PTPRJ: variants seen among roughly 807,000 people sequenced by gnomAD.
PTPRJ encodes the protein receptor-type tyrosine-protein phosphatase eta.
A neutral mutation model predicts 141.3 loss-of-function variants in PTPRJ; 129 were observed. That is an observed-to-expected ratio of 0.91 (90% confidence interval 0.79 to 1.06). The LOEUF is 1.06. PTPRJ is among the 50% of genes least tolerant of loss of function. The pLI is 0.00. For missense variants in PTPRJ, 1,601 were observed against 1,679.7 expected, an observed-to-expected ratio of 0.95 and a Z score of 0.82; for synonymous variants, 610 against 640.5, an observed-to-expected ratio of 0.95 and a Z score of 0.72.
chr11:48,036,641 C>T (rs928941516), intron 1 of PTPRJ, among the ~76,000 whole-genome samples: 4 of 152,042 alleles, frequency 2.6e-5, no homozygotes, highest in Non-Finnish European at 5.9e-5. Context: ...TGTTGTAAGT[C>T]ATGTATATTG....
intron 1 of PTPRJ, among the ~76,000 whole-genome samples, chr11:48,070,500 CAA>C (rs35904394): frequency 3.1e-4 from 23 of 73,212 alleles, no homozygotes; most frequent in Non-Finnish European, 3.4e-4. Flanking sequence ...ACTCTGTCTC[CAA>C]AAAAAAAAAA....
chr11:48,039,289 T>C (rs1854210481), intron 1 of PTPRJ, among the ~76,000 whole-genome samples: 1 of 151,820 alleles, frequency 6.6e-6, no homozygotes, highest in Admixed American at 6.6e-5. Flanking sequence ...ACCCATGAGA[T>C]AGGGTTTTGT....
chr11:48,087,716 A>C, intron 1 of PTPRJ, among the ~76,000 whole-genome samples: 1 of 152,196 alleles, frequency 6.6e-6, no homozygotes, highest in East Asian at 1.9e-4. Context: ...CTGTGTTCAG[A>C]TTCTACCTCT....
At chr11:48,018,710 G>A (rs1180338534) in intron 1 of PTPRJ, among the ~76,000 whole-genome samples, 2 of 152,182 alleles carry the variant, frequency 1.3e-5, no homozygotes, top group Non-Finnish European at 2.9e-5. Context: ...CCTTCCCTCC[G>A]AACTGGGGGT....
intron 1 of PTPRJ, among the ~76,000 whole-genome samples, chr11:48,023,935 C>A (rs1182674487): frequency 6.6e-6 from 1 of 151,972 alleles, no homozygotes; most frequent in Non-Finnish European, 1.5e-5. Flanking sequence ...TAGGCTACCT[C>A]ACCATCCAAA....
chr11:47,994,982 C>T (rs1423912432), intron 1 of PTPRJ, among the ~76,000 whole-genome samples: 1 of 152,164 alleles, frequency 6.6e-6, no homozygotes, highest in Non-Finnish European at 1.5e-5. Flanking sequence ...CTGTGAAGGA[C>T]TGACAATATA....
chr11:48,041,727 C>T (rs1194521270), intron 1 of PTPRJ, among the ~76,000 whole-genome samples: 4 of 152,006 alleles, frequency 2.6e-5, no homozygotes, highest in East Asian at 1.9e-4. Flanking sequence ...TGGGTTCTAG[C>T]GATCCTCCCA....
At chr11:48,055,786 G>C (rs996011036) in intron 1 of PTPRJ, among the ~76,000 whole-genome samples, 1 of 152,202 alleles carries the variant, frequency 6.6e-6, no homozygotes, top group African/African-American at 2.4e-5. Flanking sequence ...CTGACCTCAG[G>C]ATCCAGCAGG....
chr11:48,152,070 A>C (rs1299644257), intron 18 of PTPRJ, among the ~76,000 whole-genome samples: 1 of 152,230 alleles, frequency 6.6e-6, no homozygotes, highest in Admixed American at 6.5e-5. Flanking sequence ...ACAACAGTGT[A>C]AAAGTGTTGC....
intron 1 of PTPRJ, among the ~76,000 whole-genome samples, chr11:47,991,286 AC>A (rs1184278305): frequency 6.6e-6 from 1 of 152,062 alleles, no homozygotes; most frequent in African/African-American, 2.4e-5. Flanking sequence ...CTTAAAAAAA[AC>A]AAAACAAAAC....
At position 48,139,788 on chromosome 11, in the gene PTPRJ, G is replaced by A. The variant is rs1206666717; in HGVS notation, c.2443+12G>A. 5 of 1,612,824 alleles carry A rather than the reference G, an allele frequency of 3.1e-6. No homozygotes were observed. The South Asian group carries it at 4.4e-5, about 14-fold the overall frequency. On this transcript the variant is annotated intron_variant, in intron 11 of 24. Transcript: ENST00000418331. Reference sequence around the variant, plus strand: ...TACTGGCATCACAGGTGGGCTACAAGGCAGGGGCTGGTCAGTTGGCACTGT... The same window carrying A: ...TACTGGCATCACAGGTGGGCTACAAAGCAGGGGCTGGTCAGTTGGCACTGT...
chr11:48,081,851 C>T (rs530063062), intron 1 of PTPRJ, among the ~76,000 whole-genome samples: 49 of 152,236 alleles, frequency 3.2e-4, no homozygotes, highest in African/African-American at 9.9e-4. Context: ...ACACAGGGCT[C>T]TGTTGTTGGG....
intron 1 of PTPRJ, among the ~76,000 whole-genome samples, chr11:48,066,474 C>T (rs867809231): frequency 6.6e-6 from 1 of 151,940 alleles, no homozygotes; most frequent in Non-Finnish European, 1.5e-5. Context: ...GAGCCTGAGT[C>T]GAATCCAGAT....
rs1486292308 is a variant in PTPRJ, at chr11:48,126,817, CACAGAT to C, written c.1094-961_1094-956del. The stretch of plus-strand genomic sequence containing the variant: ...ACACACACACACACACACACACACA[CACAGAT>C]AAACACACATTTCCACCCACCCCAG... On this transcript the variant is annotated intron_variant, in intron 6 of 24. Transcript: ENST00000418331. Among the ~76,000 whole-genome samples the C allele has an allele frequency of 3.2e-4, 47 of 146,602 alleles. 1 individual carries two copies. Among genetic ancestry groups the C allele is most frequent in the African/African-American group, 1.1e-3 (43 of 37,562 alleles).
chr11:47,987,656 G>T (rs1854085023), intron 1 of PTPRJ, among the ~76,000 whole-genome samples: 1 of 152,268 alleles, frequency 6.6e-6, no homozygotes, highest in South Asian at 2.1e-4. Flanking sequence ...CCTAAGTGGA[G>T]ATCCCTGAAA....
intron 1 of PTPRJ, among the ~76,000 whole-genome samples, chr11:48,026,728 G>A (rs1321577809): frequency 6.6e-6 from 1 of 151,696 alleles, no homozygotes; most frequent in Non-Finnish European, 1.5e-5. Flanking sequence ...GATTACAGGT[G>A]TGAGCCACCG....
At chr11:48,015,081 C>G (rs943859002) in intron 1 of PTPRJ, among the ~76,000 whole-genome samples, 1 of 151,862 alleles carries the variant, frequency 6.6e-6, no homozygotes, top group African/African-American at 2.4e-5. Flanking sequence ...GCTGCATTGT[C>G]GTTTTTGGAT....
chr11:48,056,093 T>A (rs1047134815), intron 1 of PTPRJ, among the ~76,000 whole-genome samples: 11 of 152,224 alleles, frequency 7.2e-5, no homozygotes, highest in African/African-American at 2.7e-4. Flanking sequence ...ACACTGTGGA[T>A]AAAGTTAACA....
At chr11:48,160,137 A>G in intron 22 of PTPRJ, 88 bp downstream of exon 22, 13 of 1,503,620 alleles carry the variant, frequency 8.6e-6, no homozygotes, top group Non-Finnish European at 1.1e-5. Context: ...ATTAACTAAT[A>G]TGTTTTCCTA....
Sources: gnomAD v4.1 joint callset for allele counts (sites outside exome capture counted in the v4.1 genomes callset) on GRCh38, gnomAD v4.1.1 for gene constraint, MANE v1.5 for transcripts, NCBI Gene and HGNC (gene_info 2026-07-23, HGNC 2026-07-21) for gene names.